Variants in HDAC4 observed in about 807,000 individuals in gnomAD.
The protein encoded by HDAC4 is histone deacetylase 4.
HDAC4 carries 16 observed loss-of-function variants against 135.1 expected under a neutral mutation model. The ratio of observed to expected loss-of-function variants is 0.12; its 90% CI spans 0.08 to 0.18. HDAC4 has a LOEUF of 0.18. Among genes scored for constraint, HDAC4 ranks in the 10% least tolerant of loss-of-function variants. HDAC4 has a pLI of 1.00. For missense variants in HDAC4, 1,143 were observed against 1,511.8 expected (o/e 0.76, Z 4.05); for synonymous variants, 685 against 653.4 (o/e 1.05, Z -0.74).
chr2:239,052,984 T>G lies in HDAC4; in HGVS notation c.*113A>C. Reference sequence around the variant, plus strand: ...GTGGCTGTTGCACGCTGGGTGTCCCTGGGTGCTCCAAGAGAGCCCCACGGT... The same window carrying G: ...GTGGCTGTTGCACGCTGGGTGTCCCGGGGTGCTCCAAGAGAGCCCCACGGT... On this transcript the variant is annotated 3_prime_UTR_variant, in exon 27 of 27. Transcript: ENST00000543185. The G allele has an allele frequency of 1.6e-6, 2 of 1,281,050 alleles. No individual in the cohort carries two copies. The highest frequency in any genetic ancestry group is 2.4e-5 in the South Asian group (2 of 84,318). 79.4% of individuals were successfully genotyped at this position (1,281,050 alleles called of 1,614,324 possible).
chr2:239,070,430 T>C (rs1453803288), intron 22 of HDAC4, among the ~76,000 whole-genome samples: 1 of 152,242 alleles, frequency 6.6e-6, no homozygotes, highest in Non-Finnish European at 1.5e-5. Flanking sequence ...TATCAGTCTT[T>C]AGTCTAATGA....
intron 2 of HDAC4, among the ~76,000 whole-genome samples, chr2:239,244,338 C>T (rs2048353681): frequency 6.6e-6 from 1 of 152,208 alleles, no homozygotes. Flanking sequence ...CTGCACCAAA[C>T]TGGCAGGTGT....
At position 239,052,729 on chromosome 2, in the gene HDAC4, T is replaced by C. The variant is rs575987834; in HGVS notation, c.*368A>G. 81 of 318,652 alleles carry C rather than the reference T, an allele frequency of 2.5e-4. No homozygotes were observed. The highest frequency in any genetic ancestry group is 3.7e-4 in the South Asian group (9 of 24,468). 19.7% of individuals were successfully genotyped at this position (318,652 alleles called of 1,614,324 possible). On this transcript the variant is annotated 3_prime_UTR_variant, in exon 27 of 27. Coordinates refer to ENST00000543185, the MANE Select transcript of HDAC4 (RefSeq NM_001378414.1). The stretch of plus-strand genomic sequence containing the variant: ...TTTTGTATTATTAGATCTTTGATAT[T>C]TGTTTTCTGTGCCTCGTGTCAACTG...
chr2:239,151,203 T>C (rs2042096519), intron 7 of HDAC4, among the ~76,000 whole-genome samples: 1 of 152,274 alleles, frequency 6.6e-6, no homozygotes, highest in South Asian at 2.1e-4. Flanking sequence ...AGGTCACTAG[T>C]ACACAGGGCG....
intron 18 of HDAC4, among the ~76,000 whole-genome samples, chr2:239,088,633 G>A (rs1438312288): frequency 6.6e-6 from 1 of 152,218 alleles, no homozygotes; most frequent in Non-Finnish European, 1.5e-5. Flanking sequence ...GCGTGTGTGT[G>A]TGTGTGAGCA....
Position 239,262,958 on chromosome 2 carries a change from C to T in HDAC4, c.23-26294G>A, listed in dbSNP as rs556496296. Among the ~76,000 whole-genome samples the T allele has an allele frequency of 4.6e-5, 7 of 151,928 alleles. No individual in the cohort carries two copies. The highest frequency in any genetic ancestry group is 3.9e-4 in the Admixed American group (6 of 15,266). On this transcript the variant is annotated intron_variant, in intron 2 of 26. Transcript: ENST00000543185. The surrounding 1 kb of genome is among the most constrained non-coding windows in gnomAD (Gnocchi z 4.1). The stretch of plus-strand genomic sequence containing the variant: ...GCTTCTGTGCTTCACGAAAGATCTA[C>T]GCGTGAAGCCCCCGGGAAGCCAAGC...
chr2:239,316,481 G>T (rs1442459880), intron 2 of HDAC4, among the ~76,000 whole-genome samples: 6 of 152,318 alleles, frequency 3.9e-5, no homozygotes, highest in Non-Finnish European at 7.3e-5. Flanking sequence ...GGTAGCACGG[G>T]CCTGTAGTCC....
At chr2:239,272,945 C>T (rs1369861914) in intron 2 of HDAC4, among the ~76,000 whole-genome samples, 2 of 152,160 alleles carry the variant, frequency 1.3e-5, no homozygotes, top group Non-Finnish European at 2.9e-5. Context: ...GAGTTGCCCA[C>T]GATGAGCGGC....
intron 2 of HDAC4, among the ~76,000 whole-genome samples, chr2:239,264,004 C>A (rs1312910626): frequency 6.6e-6 from 1 of 152,024 alleles, no homozygotes; most frequent in Admixed American, 6.5e-5. Flanking sequence ...TCAGGGCACA[C>A]AGGACCTTTG....
intron 2 of HDAC4, among the ~76,000 whole-genome samples, chr2:239,311,825 G>A (rs1212287412): frequency 1.3e-5 from 2 of 152,214 alleles, no homozygotes; most frequent in Non-Finnish European, 2.9e-5. Flanking sequence ...ACATGGCAGG[G>A]AGAAGTCTGG....
At chr2:239,224,190 C>T (rs2047119176) in intron 3 of HDAC4, among the ~76,000 whole-genome samples, 1 of 152,260 alleles carries the variant, frequency 6.6e-6, no homozygotes, top group African/African-American at 2.4e-5. Flanking sequence ...CACAGCCCAT[C>T]TGCAGGCTAA....
At chr2:239,223,421 T>C (rs1299483419) in intron 3 of HDAC4, among the ~76,000 whole-genome samples, 4 of 152,102 alleles carry the variant, frequency 2.6e-5, no homozygotes, top group Admixed American at 2.6e-4. Context: ...TGCGGGTCAC[T>C]GGGGGTGGAA....
chr2:239,118,721 G>T (rs1316444722), intron 12 of HDAC4, among the ~76,000 whole-genome samples: 1 of 152,094 alleles, frequency 6.6e-6, no homozygotes, highest in Non-Finnish European at 1.5e-5. Context: ...AAATACATGC[G>T]ACTGTTTCCG....
intron 2 of HDAC4, among the ~76,000 whole-genome samples, chr2:239,283,409 T>C (rs1316947916): frequency 6.6e-6 from 1 of 152,194 alleles, no homozygotes; most frequent in African/African-American, 2.4e-5. Context: ...CCTGGTCTCA[T>C]GGCTACCGCC....
At chr2:239,065,255 G>T (rs192031727) in intron 24 of HDAC4, among the ~76,000 whole-genome samples, 20 of 152,320 alleles carry the variant, frequency 1.3e-4, no homozygotes, top group African/African-American at 4.6e-4. Flanking sequence ...CAAGGCACCT[G>T]TAAGTGTGTG....
intron 15 of HDAC4, among the ~76,000 whole-genome samples, chr2:239,105,351 T>C (rs2038026548): frequency 6.6e-6 from 1 of 152,204 alleles, no homozygotes; most frequent in South Asian, 2.1e-4. Flanking sequence ...GGCCAGGAGC[T>C]GTTCTGGCTC....
chr2:239,061,449 T>G (rs2032716270), intron 24 of HDAC4, among the ~76,000 whole-genome samples: 2 of 151,038 alleles, frequency 1.3e-5, no homozygotes, highest in South Asian at 4.2e-4. Flanking sequence ...GGTGCCTGTG[T>G]GGGTGTGCGT....
At chr2:239,079,996 A>G (rs2035147795) in intron 22 of HDAC4, among the ~76,000 whole-genome samples, 1 of 148,828 alleles carries the variant, frequency 6.7e-6, no homozygotes, top group African/African-American at 2.6e-5. Flanking sequence ...AGACATGCAC[A>G]TGGCTGTAGA....
intron 2 of HDAC4, among the ~76,000 whole-genome samples, chr2:239,348,437 C>T (rs932913674): frequency 5.9e-5 from 9 of 152,258 alleles, no homozygotes; most frequent in Non-Finnish European, 2.9e-5. Context: ...GTAACAACGT[C>T]TGCCTTTCCT....
Sources: gnomAD v4.1 joint callset for allele counts (sites outside exome capture counted in the v4.1 genomes callset) on GRCh38, gnomAD v4.1.1 for gene constraint, Gnocchi (gnomAD v3.1) non-coding constraint, MANE v1.5 for transcripts, NCBI Gene and HGNC (gene_info 2026-07-23, HGNC 2026-07-21) for gene names.